The following NUDT13 variants were observed in gnomAD, a reference collection of about 807,000 sequenced individuals.
The protein encoded by NUDT13 is nudix hydrolase 13, also known as NAD(P)H pyrophosphatase NUDT13, mitochondrial.
Under a neutral mutation model 41.7 loss-of-function variants are expected in NUDT13, and 40 were observed. The observed-to-expected ratio is 0.96, with a 90% CI of 0.75 to 1.25. The LOEUF is 1.25. Ranked by LOEUF, NUDT13 falls within the 50% of genes most tolerant of loss-of-function variation. NUDT13 has a pLI of 0.00. For synonymous variants in NUDT13, 145 were observed against 155.5 expected, an observed-to-expected ratio of 0.93 and a Z score of 0.50; for missense variants, 390 against 416.1, an observed-to-expected ratio of 0.94 and a Z score of 0.55.
Position 73,126,950 on chromosome 10 carries a change from A to G in NUDT13, c.858+123A>G, listed in dbSNP as rs1213276619. The stretch of plus-strand genomic sequence containing the variant: ...ATCTAGATTACATAAACATGTGTAA[A>G]ATATGATTTAGGGCTGAGCACGGTG... On this transcript the variant is annotated intron_variant, in intron 8 of 8. Transcript: ENST00000357321. 4.5e-6 allele frequency: 4 copies of G among 890,702 alleles called. No individual in the cohort carries two copies. In the East Asian group the frequency reaches 7.5e-5, roughly 17 times the overall value. The allele number at this position is 890,702 out of a possible 1,614,324, so 55.2% of individuals were successfully genotyped here. A position where few individuals can be genotyped will look rare whatever the true frequency, so the allele number is the denominator to read the frequency against.
intron 8 of NUDT13, among the ~76,000 whole-genome samples, chr10:73,129,261 C>T (rs1481214672): frequency 6.6e-6 from 1 of 150,948 alleles, no homozygotes; most frequent in Non-Finnish European, 1.5e-5. Flanking sequence ...CAACCTTCGC[C>T]TCCCAGGTTC....
chr10:73,120,764 C>T (rs1842626036), intron 3 of NUDT13, among the ~76,000 whole-genome samples: 2 of 151,878 alleles, frequency 1.3e-5, no homozygotes, highest in South Asian at 4.2e-4. Context: ...CGGTGAAACC[C>T]GTCTCTACTA....
At chr10:73,119,163 A>G (rs547738290) in intron 2 of NUDT13, among the ~76,000 whole-genome samples, 57 of 151,670 alleles carry the variant, frequency 3.8e-4, no homozygotes, top group African/African-American at 1.3e-3. Flanking sequence ...CTTCGGCCTC[A>G]GCCTCCTGAG....
chr10:73,122,372 A>G, intron 4 of NUDT13, 63 bp downstream of exon 4: 1 of 1,472,880 alleles, frequency 6.8e-7, no homozygotes, highest in Non-Finnish European at 9.1e-7. Context: ...ATTTCACATA[A>G]TGGTAAAATT....
At chr10:73,128,179 T>C (rs1476019901) in intron 8 of NUDT13, among the ~76,000 whole-genome samples, 2 of 152,204 alleles carry the variant, frequency 1.3e-5, no homozygotes, top group Non-Finnish European at 2.9e-5. Context: ...CATTCATCCA[T>C]TGTGAATACT....
intron 2 of NUDT13, among the ~76,000 whole-genome samples, chr10:73,118,098 G>A (rs137937650): frequency 7.9e-5 from 12 of 152,244 alleles, no homozygotes; most frequent in South Asian, 2.1e-4. Context: ...GTTCTTTTAC[G>A]AAGGCAGCAG....
chr10:73,120,417 G>C (rs770750946), intron 3 of NUDT13, among the ~76,000 whole-genome samples: 2 of 152,128 alleles, frequency 1.3e-5, no homozygotes, highest in Non-Finnish European at 2.9e-5. Context: ...TGTCCAAATT[G>C]TATCTGCTAC....
At chr10:73,116,636 G>A (rs1842518086) in intron 2 of NUDT13, among the ~76,000 whole-genome samples, 1 of 151,940 alleles carries the variant, frequency 6.6e-6, no homozygotes, top group Admixed American at 6.6e-5. Flanking sequence ...CAGCTACTCA[G>A]GAGGCTGAGG....
chr10:73,122,359 G>T, intron 4 of NUDT13, 50 bp downstream of exon 4: 1 of 1,516,784 alleles, frequency 6.6e-7, no homozygotes, highest in South Asian at 1.3e-5. Flanking sequence ...TTCAGAATTT[G>T]GGATTTCACA....
At chr10:73,117,692 ATAAT>A (rs1234695651) in intron 2 of NUDT13, among the ~76,000 whole-genome samples, 5 of 152,288 alleles carry the variant, frequency 3.3e-5, no homozygotes, top group African/African-American at 1.2e-4. Flanking sequence ...GTATTGATGT[ATAAT>A]AGTAATCGCT....
At chr10:73,126,203 A>G (rs1238138938) in intron 7 of NUDT13, 1 of 233,960 alleles carries the variant, frequency 4.3e-6, no homozygotes, top group African/African-American at 2.3e-5. Flanking sequence ...CTCTGAGCAC[A>G]CCCCTAGATT....
intron 8 of NUDT13, chr10:73,130,075 T>C (rs1842879825): frequency 6.6e-6 from 1 of 152,102 alleles, no homozygotes; most frequent in African/African-American, 2.4e-5. Context: ...ATTCATAATT[T>C]ATTCTCAATG....
At chr10:73,119,397 G>A in intron 2 of NUDT13, 1 of 565,312 alleles carries the variant, frequency 1.8e-6, no homozygotes. Flanking sequence ...TTGGGATCTA[G>A]ATGTCTGAAG....
chr10:73,112,912 C>T (rs940207218), intron 1 of NUDT13, among the ~76,000 whole-genome samples: 1 of 151,294 alleles, frequency 6.6e-6, no homozygotes, highest in East Asian at 1.9e-4. Context: ...TTTAAGACGA[C>T]GTTTTGCTCT....
At chr10:73,119,612 A>C (rs913952749) in intron 2 of NUDT13, 4 of 250,058 alleles carry the variant, frequency 1.6e-5, no homozygotes, top group Admixed American at 1.2e-4. Context: ...ATATTGGCAG[A>C]GTAACTTGAA....
chr10:73,114,958 G>A (rs528759560), intron 2 of NUDT13: 1 of 152,068 alleles, frequency 6.6e-6, no homozygotes, highest in Non-Finnish European at 1.5e-5. Flanking sequence ...CTACATGGTT[G>A]TCAATCATGC....
At chr10:73,124,180 T>C (rs1842717566) in intron 4 of NUDT13, 34 bp from the exon 5 acceptor site, 1 of 1,456,932 alleles carries the variant, frequency 6.9e-7, no homozygotes, top group Admixed American at 1.7e-5. Flanking sequence ...AAGTTTGTCA[T>C]TGTTTAATTT....
intron 8 of NUDT13, 106 bp from the exon 9 acceptor site, chr10:73,130,597 T>C (rs1226003218): frequency 5.4e-6 from 5 of 924,516 alleles, no homozygotes; most frequent in Non-Finnish European, 6.8e-6. Flanking sequence ...CCAGGTATTA[T>C]CTTCTAAGAT....
At position 73,131,789 on chromosome 10, in the gene NUDT13, G is replaced by T. The variant is rs142067320; in HGVS notation, c.*886G>T. ...TCATATATGATGCCATAAGGGAGAA[G>T]AGTTTATTTGGGGAAAATAAAAGAA... On this transcript the variant is annotated 3_prime_UTR_variant, in exon 9 of 9. Transcript: ENST00000357321. 15 of 152,300 alleles carry T rather than the reference G, an allele frequency of 9.8e-5. No individual in the cohort carries two copies. The East Asian group carries it at 2.1e-3, about 22-fold the overall frequency. The allele number at this position is 152,300 out of a possible 1,614,324, so 9.4% of individuals were successfully genotyped here.
Sources: gnomAD v4.1 joint callset for allele counts (sites outside exome capture counted in the v4.1 genomes callset) on GRCh38, gnomAD v4.1.1 for gene constraint, MANE v1.5 for transcripts, NCBI Gene and HGNC (gene_info 2026-07-23, HGNC 2026-07-21) for gene names.